MPP2: variants seen among roughly 807,000 people sequenced by gnomAD.
The protein encoded by MPP2 is MAGUK p55 scaffold protein 2, also known as MAGUK p55 subfamily member 2.
In MPP2, 42 loss-of-function variants were observed where a neutral mutation model predicts 58.5. The ratio of observed to expected loss-of-function variants is 0.72; its 90% CI spans 0.56 to 0.93. The LOEUF (loss-of-function observed/expected upper bound fraction) is 0.93. MPP2 is among the 40% of genes least tolerant of loss of function. The pLI is 0.00. For missense variants in MPP2, 632 were observed against 760.4 expected (o/e 0.83, Z 1.99); for synonymous variants, 300 against 307.8 (o/e 0.97, Z 0.26).
Position 43,907,172 on chromosome 17 carries a change from G to A in MPP2, c.-34+302C>T. 3.0e-6 allele frequency: 3 copies of A among 985,444 alleles called. No individual in the cohort carries two copies. The East Asian group carries it at 3.4e-4, about 112-fold the overall frequency. 61.0% of individuals were successfully genotyped at this position (985,444 alleles called of 1,614,324 possible). On this transcript the variant is annotated intron_variant, in intron 1 of 12. Transcript: ENST00000269095. ...GTACCCCCAACCCGCACAGCCCCCGGGGAGGCCGCGCAGATACCGGGGCCC... is the reference window on the plus strand; with the variant it reads ...GTACCCCCAACCCGCACAGCCCCCGAGGAGGCCGCGCAGATACCGGGGCCC...
upstream of MPP2, chr17:43,907,753 G>A (rs897245423): frequency 7.2e-5 from 71 of 985,432 alleles, 1 homozygote; most frequent in African/African-American, 1.2e-3. Context: ...AAGGGTTAGG[G>A]AGGCAGGACT....
At chr17:43,899,839 G>C (rs1328691449) in intron 2 of MPP2, among the ~76,000 whole-genome samples, 4 of 152,070 alleles carry the variant, frequency 2.6e-5, no homozygotes, top group Non-Finnish European at 4.4e-5. Flanking sequence ...GGAGTTCCAG[G>C]CTGTGGCAAG....
At chr17:43,901,584 T>C in intron 2 of MPP2, 1 of 985,378 alleles carries the variant, frequency 1.0e-6, no homozygotes, top group Middle Eastern at 5.2e-4. Context: ...CTGGTTGCCA[T>C]GACAGTAGAA....
chr17:43,890,288 A>G (rs1170808917), intron 3 of MPP2, among the ~76,000 whole-genome samples: 2 of 152,190 alleles, frequency 1.3e-5, no homozygotes, highest in Non-Finnish European at 1.5e-5. Context: ...GCCCAGAACT[A>G]GAAGAGTGAT....
intron 2 of MPP2, chr17:43,900,672 A>C (rs2048059098): frequency 3.5e-6 from 5 of 1,413,568 alleles, no homozygotes; most frequent in Middle Eastern, 2.7e-4. Context: ...CTGAGGAACC[A>C]GCCAATGGGA....
chr17:43,881,093 C>T lies in MPP2; in HGVS notation c.985G>A (p.Ala329Thr). 1 of 1,613,884 alleles carries T rather than the reference C, an allele frequency of 6.2e-7. No individual in the cohort carries two copies. The highest frequency in any genetic ancestry group is 1.1e-5 in the South Asian group (1 of 91,056). Residue 329 changes from alanine to threonine, a missense_variant, in exon 9 of 13, where the codon GCA becomes ACA. Physicochemically the swap from Ala to Thr is moderately conservative, Grantham distance 58 (BLOSUM62 0). Coordinates refer to ENST00000269095, the MANE Select transcript of MPP2 (RefSeq NM_005374.5). ...KRMMYLTTKN[A>T]EFDRHELLIY... is the part of the protein sequence containing the mutation. Reference sequence around the variant, plus strand: ...GAGGGGGCGCTCTGATACCCACCTGCATTCTTGGTGGTCAAATACATCATT... The same window carrying T: ...GAGGGGGCGCTCTGATACCCACCTGTATTCTTGGTGGTCAAATACATCATT...
intron 2 of MPP2, among the ~76,000 whole-genome samples, chr17:43,899,381 T>C: frequency 1.7e-5 from 1 of 58,610 alleles, no homozygotes; most frequent in Non-Finnish European, 4.6e-5. Flanking sequence ...AGCAAGTCCG[T>C]GAGTACAGGC....
chr17:43,888,474 C>T (rs1310591675), intron 3 of MPP2, among the ~76,000 whole-genome samples: 1 of 152,148 alleles, frequency 6.6e-6, no homozygotes, highest in Non-Finnish European at 1.5e-5. Context: ...TTACCCTGTG[C>T]CTAGGACAAT....
chr17:43,908,284 C>T (rs2048364160), upstream of MPP2, among the ~76,000 whole-genome samples: 1 of 152,230 alleles, frequency 6.6e-6, no homozygotes, highest in South Asian at 2.1e-4. Context: ...GATGCTGGGC[C>T]TCCAAATACG....
chr17:43,907,470 C>T lies in MPP2; in HGVS notation c.-34+4G>A, dbSNP rs2048337286. The T allele has an allele frequency of 8.1e-6, 8 of 985,550 alleles. No homozygotes were observed. The highest frequency in any genetic ancestry group is 9.6e-6 in the Non-Finnish European group (8 of 830,002). The allele number at this position is 985,550 out of a possible 1,614,324, so 61.1% of individuals were successfully genotyped here. A position where few individuals can be genotyped will look rare whatever the true frequency, so the allele number is the denominator to read the frequency against. On this transcript the variant is annotated splice_donor_region_variant and intron_variant, in intron 1 of 12. Transcript: ENST00000269095. ...AGCTGGCCCGGGGGCCGGGGGACGC[C>T]TACCTGCGCCCCGGGAAGCCCCTAG... is the stretch of plus-strand genomic sequence containing the variant.
chr17:43,906,209 G>C, intron 1 of MPP2: 1 of 900,998 alleles, frequency 1.1e-6, no homozygotes, highest in Non-Finnish European at 1.3e-6. Flanking sequence ...CCCTGCGCTC[G>C]GAAGTCTTGC....
chr17:43,877,554 C>T lies in MPP2; in HGVS notation c.*253G>A, dbSNP rs1189506311. ...ACACATTCCTGGGCATAGCTTGGCC[C>T]TCAGAGATATCTGGTGACCAATGGG... On this transcript the variant is annotated 3_prime_UTR_variant, in exon 13 of 13. Coordinates refer to ENST00000269095, the MANE Select transcript of MPP2 (RefSeq NM_005374.5). 28 of 509,516 alleles carry T rather than the reference C, an allele frequency of 5.5e-5. No individual in the cohort carries two copies. Among genetic ancestry groups the T allele is most frequent in the Non-Finnish European group, 9.6e-5 (27 of 280,700 alleles). 31.6% of individuals were successfully genotyped at this position (509,516 alleles called of 1,614,324 possible). A position where few individuals can be genotyped will look rare whatever the true frequency, so the allele number is the denominator to read the frequency against.
chr17:43,886,931 C>T (rs1455293048), intron 3 of MPP2, among the ~76,000 whole-genome samples: 1 of 152,024 alleles, frequency 6.6e-6, no homozygotes, highest in Non-Finnish European at 1.5e-5. Context: ...TATTCTTTTC[C>T]CTATTTTAAA....
intron 2 of MPP2, among the ~76,000 whole-genome samples, chr17:43,902,407 G>T (rs1388164529): frequency 6.6e-6 from 1 of 152,230 alleles, no homozygotes; most frequent in African/African-American, 2.4e-5. Flanking sequence ...CGGCTGGAGA[G>T]GCCATTAAGC....
chr17:43,904,087 C>T (rs2048199174), intron 2 of MPP2, among the ~76,000 whole-genome samples: 1 of 152,186 alleles, frequency 6.6e-6, no homozygotes, highest in Admixed American at 6.5e-5. Context: ...AGGCCCAGCT[C>T]CGGGGCCACC....
chr17:43,879,995 G>A lies in MPP2; in HGVS notation c.1151-11C>T, dbSNP rs1191870512. On this transcript the variant is annotated splice_polypyrimidine_tract_variant and intron_variant, in intron 10 of 12. Transcript: ENST00000269095. The surrounding 1 kb of genome is among the most constrained non-coding windows in gnomAD (Gnocchi z 4.1). ...GCCGCCGGGAGGTGTCTAGGGGGAT[G>A]GGGGTAGGTTGGACCAAATGGGCAG... 1.2e-6 allele frequency: 2 copies of A among 1,613,814 alleles called. No homozygotes were observed. Among genetic ancestry groups the A allele is most frequent in the East Asian group, 2.2e-5 (1 of 44,872 alleles).
chr17:43,883,420 G>T, intron 3 of MPP2, 65 bp from the exon 4 acceptor site: 1 of 1,545,308 alleles, frequency 6.5e-7, no homozygotes, highest in Non-Finnish European at 8.7e-7. Flanking sequence ...CACCAAGCAG[G>T]GTCCTCCCTC....
intron 6 of MPP2, 67 bp from the exon 7 acceptor site, chr17:43,881,656 C>T (rs1453764132): frequency 1.9e-6 from 3 of 1,562,008 alleles, no homozygotes; most frequent in Non-Finnish European, 8.7e-7. Flanking sequence ...GAGGTCTACC[C>T]CATGCCCCCT....
At position 43,877,847 on chromosome 17, in the gene MPP2, C is replaced by T. The variant is rs922576074; in HGVS notation, c.1619G>A (p.Arg540Gln). 5 of 1,613,962 alleles carry T rather than the reference C, an allele frequency of 3.1e-6. No homozygotes were observed. Among genetic ancestry groups the T allele is most frequent in the African/African-American group, 2.7e-5 (2 of 75,012 alleles). Residue 540 changes from arginine to glutamine, a missense_variant, in exon 13 of 13, where the codon CGG becomes CAG. Arg to Gln is a conservative substitution (Grantham distance 43, BLOSUM62 1). Transcript: ENST00000269095. ...GACAGGCACCCACTGGGGCTCTGTC[C>T]GTAGCTTCTCCATGGCTGTCTGGAG... ...RELQTAMEKLRTEPQWVPVSW... is the reference protein window; with the variant it reads ...RELQTAMEKLQTEPQWVPVSW...
Sources: gnomAD v4.1 joint callset for allele counts (sites outside exome capture counted in the v4.1 genomes callset) on GRCh38, gnomAD v4.1.1 for gene constraint, Gnocchi (gnomAD v3.1) non-coding constraint, MANE v1.5 for transcripts, NCBI Gene and HGNC (gene_info 2026-07-23, HGNC 2026-07-21) for gene names.